Variants in EXT1 observed in about 807,000 individuals in gnomAD.
EXT1 encodes exostosin glycosyltransferase 1.
A neutral mutation model predicts 82.5 loss-of-function variants in EXT1; 20 were observed. The observed-to-expected ratio is 0.24, with a 90% confidence interval of 0.17 to 0.35. EXT1 has a LOEUF of 0.35. EXT1 is among the 10% of genes least tolerant of loss of function. The pLI is 1.00. For missense variants in EXT1, 757 were observed against 936.5 expected, an observed-to-expected ratio of 0.81 and a Z score of 2.50; for synonymous variants, 348 against 350.8, an observed-to-expected ratio of 0.99 and a Z score of 0.09.
In EXT1 at chr8:118,090,499, C is replaced by T. The variant is rs529513101; in HGVS notation, c.962+19586G>A. 2.6e-5 allele frequency among the ~76,000 whole-genome samples: 4 copies of T among 152,000 alleles called. No homozygotes were observed. The East Asian group carries it at 5.8e-4, about 22-fold the overall frequency. ...GTAGAAAACCATGCATGTCCCTGGC[C>T]GGGTGCAGTGGCTCATGCCTGTAAT... On this transcript the variant is annotated intron_variant, in intron 1 of 10. Transcript: ENST00000378204.
chr8:118,098,478 T>A (rs76241807), intron 1 of EXT1, among the ~76,000 whole-genome samples: 3 of 151,736 alleles, frequency 2.0e-5, no homozygotes, highest in Non-Finnish European at 4.4e-5. Flanking sequence ...AGTGGCCAGG[T>A]GCAGTGGCTC....
chr8:117,885,425 G>A (rs1032279361), intron 1 of EXT1, among the ~76,000 whole-genome samples: 12 of 149,012 alleles, frequency 8.1e-5, no homozygotes, highest in Non-Finnish European at 1.8e-4. Context: ...AATATTAACC[G>A]TACTGGCAGG....
At chr8:118,041,665 AGAAGGAAGGAAG>A (rs57360744) in intron 1 of EXT1, among the ~76,000 whole-genome samples, 1,509 of 125,176 alleles carry the variant, frequency 0.012, 12 homozygotes, top group Middle Eastern at 0.027. Flanking sequence ...AGAGAGAGAA[AGAAGGAAGGAAG>A]GAAGGAAGGA....
intron 1 of EXT1, among the ~76,000 whole-genome samples, chr8:118,094,494 G>A (rs1163483031): frequency 1.3e-5 from 2 of 152,156 alleles, no homozygotes; most frequent in Non-Finnish European, 2.9e-5. Flanking sequence ...TGAAGTTACA[G>A]GCATCAAATG....
chr8:117,963,837 C>T (rs1712780083), intron 1 of EXT1, among the ~76,000 whole-genome samples: 1 of 152,042 alleles, frequency 6.6e-6, no homozygotes, highest in African/African-American at 2.4e-5. Flanking sequence ...AGAGTAACAC[C>T]CTATCTCTAA....
chr8:118,074,459 GCAGGCAGAGGGCGCGGAGGCCCGGGC>G (rs989973508), intron 1 of EXT1, among the ~76,000 whole-genome samples: 1 of 152,202 alleles, frequency 6.6e-6, no homozygotes, highest in Non-Finnish European at 1.5e-5. Context: ...GAGCTGTGGT[GCAGGCAGAGGGCGCGGAGGCCCGGGC>G]CAGGCAGAGC....
intron 1 of EXT1, among the ~76,000 whole-genome samples, chr8:118,022,290 TA>T (rs1194595304): frequency 2.0e-5 from 3 of 146,448 alleles, no homozygotes; most frequent in African/African-American, 5.0e-5. Context: ...GGCAATATAT[TA>T]AAAAAAGATA....
intron 9 of EXT1, among the ~76,000 whole-genome samples, chr8:117,805,507 G>A (rs1013477998): frequency 3.3e-5 from 5 of 152,076 alleles, no homozygotes. Context: ...TCATCCTACT[G>A]TTTTTAAAAT....
intron 1 of EXT1, among the ~76,000 whole-genome samples, chr8:118,031,729 T>C (rs1436890675): frequency 6.6e-6 from 1 of 151,922 alleles, no homozygotes; most frequent in East Asian, 1.9e-4. Flanking sequence ...ATTTTTCATC[T>C]CCCTCCATAC....
chr8:117,909,250 C>T (rs979124875), intron 1 of EXT1, among the ~76,000 whole-genome samples: 13 of 152,100 alleles, frequency 8.5e-5, no homozygotes, highest in African/African-American at 3.1e-4. Context: ...AAATCAGGCC[C>T]TTCAGTTGCA....
At chr8:117,864,140 A>C (rs1812733182) in intron 1 of EXT1, among the ~76,000 whole-genome samples, 1 of 152,252 alleles carries the variant, frequency 6.6e-6, no homozygotes, top group Non-Finnish European at 1.5e-5. Flanking sequence ...AAAGATGTTA[A>C]GAAAAAATTC....
chr8:117,977,556 C>T (rs1452465845), intron 1 of EXT1, among the ~76,000 whole-genome samples: 2 of 152,082 alleles, frequency 1.3e-5, no homozygotes, highest in African/African-American at 4.8e-5. Flanking sequence ...GTGGGGCTCA[C>T]AGTAGACCAC....
In EXT1 at chr8:117,878,730, TCAC is replaced by T. The variant is rs576516613; in HGVS notation, c.963-41532_963-41530del. ...TCAATGCCCTTTCTTATTCTCATCA[TCAC>T]CACAAGTCCAGGTTTAGAATCTTCC... On this transcript the variant is annotated intron_variant, in intron 1 of 10. Transcript: ENST00000378204. 7.0e-3 allele frequency among the ~76,000 whole-genome samples: 1,067 copies of T among 152,348 alleles called. 8 individuals are homozygous for T. Among genetic ancestry groups the T allele is most frequent in the African/African-American group, 0.021 (876 of 41,576 alleles).
chr8:117,827,538 G>A (rs1035693959), intron 4 of EXT1, among the ~76,000 whole-genome samples: 2 of 151,996 alleles, frequency 1.3e-5, no homozygotes, highest in African/African-American at 4.8e-5. Context: ...ATTGGGGCTG[G>A]GCATGGTGGC....
chr8:117,819,202 C>T (rs1013914582), intron 6 of EXT1, among the ~76,000 whole-genome samples: 8 of 152,154 alleles, frequency 5.3e-5, no homozygotes, highest in Admixed American at 3.3e-4. Flanking sequence ...AATATTGTTA[C>T]CATAGGCATA....
intron 1 of EXT1, among the ~76,000 whole-genome samples, chr8:117,893,174 T>A (rs1813277477): frequency 6.6e-6 from 1 of 152,268 alleles, no homozygotes. Flanking sequence ...CTTCTTTTTC[T>A]TTCCTTGAAC....
chr8:118,074,371 G>A (rs920190257), intron 1 of EXT1, among the ~76,000 whole-genome samples: 3 of 152,172 alleles, frequency 2.0e-5, no homozygotes, highest in Admixed American at 2.0e-4. Flanking sequence ...ATGCATCCGA[G>A]GGAGCTCCAG....
chr8:117,919,713 C>A (rs905895032), intron 1 of EXT1, among the ~76,000 whole-genome samples: 10 of 152,080 alleles, frequency 6.6e-5, no homozygotes, highest in Admixed American at 5.9e-4. Context: ...CCATGTTGTC[C>A]AAGCTGGTCT....
At position 118,073,669 on chromosome 8, in the gene EXT1, G is replaced by GAAGAGAAGAGAAGAC. The variant is rs1563647787; in HGVS notation, c.962+36415_962+36416insGTCTTCTCTTCTCTT. On this transcript the variant is annotated intron_variant, in intron 1 of 10. Coordinates refer to ENST00000378204, the MANE Select transcript of EXT1 (RefSeq NM_000127.3). Reference sequence around the variant, plus strand: ...GAAGAGAAGAGAAGAGAAGAGAAGAGAAGAGAAGAGAAGAGAAGAGAAGAG... The same window carrying GAAGAGAAGAGAAGAC: ...GAAGAGAAGAGAAGAGAAGAGAAGAGAAGAGAAGAGAAGACAAGAGAAGAGAAGAGAAGAGAAGAG... 2.0e-5 allele frequency among the ~76,000 whole-genome samples: 3 copies of GAAGAGAAGAGAAGAC among 148,868 alleles called. No individual in the cohort carries two copies. In the East Asian group the frequency reaches 5.9e-4, roughly 29 times the overall value.
Sources: gnomAD v4.1 joint callset for allele counts (sites outside exome capture counted in the v4.1 genomes callset) on GRCh38, gnomAD v4.1.1 for gene constraint, MANE v1.5 for transcripts, NCBI Gene and HGNC (gene_info 2026-07-23, HGNC 2026-07-21) for gene names.